The following NAV3 variants were observed in gnomAD, a reference collection of about 807,000 sequenced individuals.
The protein encoded by NAV3 is pore membrane and/or filament interacting like protein 1.
NAV3 carries 87 observed loss-of-function variants against 244.7 expected under a neutral mutation model. That is an observed-to-expected ratio of 0.36 (90% CI 0.30 to 0.42). The LOEUF is 0.42. Ranked by LOEUF, NAV3 falls within the 20% of genes least tolerant of loss-of-function variation. The pLI, the probability that NAV3 is intolerant of heterozygous loss-of-function variation, is 1.00. For missense variants in NAV3, 2,663 were observed against 2,893.3 expected, an observed-to-expected ratio of 0.92 and a Z score of 1.83; for synonymous variants, 1,126 against 1,042.2, an observed-to-expected ratio of 1.08 and a Z score of -1.55.
At chr12:77,827,817 A>G (rs1250804825), upstream of NAV3, among the ~76,000 whole-genome samples, 1 of 152,182 alleles carries the variant, frequency 6.6e-6, no homozygotes, top group Non-Finnish European at 1.5e-5. Context: ...ACTCCATTTT[A>G]TAGATGATGA....
chr12:78,031,733 G>T (rs1479493703), intron 9 of NAV3, among the ~76,000 whole-genome samples: 2 of 122,358 alleles, frequency 1.6e-5, no homozygotes, highest in African/African-American at 6.3e-5. Context: ...TGGCGACTGT[G>T]GTGGGGTGGG....
intron 1 of NAV3, among the ~76,000 whole-genome samples, chr12:77,896,551 C>G (rs181249061): frequency 7.9e-5 from 12 of 152,126 alleles, no homozygotes; most frequent in African/African-American, 2.6e-4. Context: ...TATATTTGTT[C>G]CTTCTTAATT....
intron 39 of NAV3, among the ~76,000 whole-genome samples, chr12:78,206,273 C>A (rs1323903755): frequency 6.6e-6 from 1 of 152,028 alleles, no homozygotes; most frequent in Non-Finnish European, 1.5e-5. Flanking sequence ...TGGTACCTGG[C>A]CTTTTAGATG....
chr12:77,920,773 GA>G (rs138682229), intron 1 of NAV3, among the ~76,000 whole-genome samples: 1 of 151,614 alleles, frequency 6.6e-6, no homozygotes, highest in Non-Finnish European at 1.5e-5. Context: ...GAAGTCATCC[GA>G]AAAAAAATTA....
At chr12:77,600,089 T>C (rs1870356195) in intron 2 of NAV3, among the ~76,000 whole-genome samples, 1 of 151,974 alleles carries the variant, frequency 6.6e-6, no homozygotes, top group African/African-American at 2.4e-5. Flanking sequence ...AGAATATATT[T>C]AGAAACATTG....
chr12:77,907,518 A>G (rs1177433483), intron 1 of NAV3, among the ~76,000 whole-genome samples: 1 of 152,078 alleles, frequency 6.6e-6, no homozygotes, highest in Non-Finnish European at 1.5e-5. Flanking sequence ...ATCACTAGCT[A>G]TCTCTATCAC....
At chr12:78,055,234 GTATATATACATATATA>G (rs1221769502) in intron 11 of NAV3, among the ~76,000 whole-genome samples, 5 of 892 alleles carry the variant, frequency 5.6e-3, no homozygotes, top group African/African-American at 8.7e-3. Context: ...ACACATATGT[GTATATATACATATATA>G]TGCACACATA....
At chr12:77,822,825 T>C (rs1331011830) in intron 2 of NAV3, among the ~76,000 whole-genome samples, 1 of 152,154 alleles carries the variant, frequency 6.6e-6, no homozygotes, top group Non-Finnish European at 1.5e-5. Flanking sequence ...TGAAGGATAA[T>C]TTTAAAAAAT....
chr12:77,766,734 A>ATTTTGTTT (rs1565805085), intron 2 of NAV3, among the ~76,000 whole-genome samples: 1 of 53,344 alleles, frequency 1.9e-5, no homozygotes, highest in Non-Finnish European at 4.4e-5. Context: ...CAGGCAATTA[A>ATTTTGTTT]GTTTTTTTTT....
At chr12:78,128,661 G>A (rs778019630) in intron 17 of NAV3, 45 bp from the exon 18 acceptor site, 2 of 1,576,710 alleles carry the variant, frequency 1.3e-6, no homozygotes, top group Non-Finnish European at 1.7e-6. Flanking sequence ...GCATTGCCTT[G>A]CCCTTGTAGA....
intron 1 of NAV3, among the ~76,000 whole-genome samples, chr12:77,874,443 C>T (rs1881547170): frequency 6.6e-6 from 1 of 151,958 alleles, no homozygotes; most frequent in African/African-American, 2.4e-5. Flanking sequence ...CTTCTGGGCT[C>T]AAGCAGTCCT....
chr12:77,718,456 C>T (rs1876462608), intron 2 of NAV3, among the ~76,000 whole-genome samples: 3 of 152,210 alleles, frequency 2.0e-5, no homozygotes, highest in Admixed American at 2.0e-4. Flanking sequence ...ATGTCAGTGC[C>T]ACATCATTTT....
intron 18 of NAV3, among the ~76,000 whole-genome samples, chr12:78,132,997 A>T (rs1396404256): frequency 6.6e-6 from 1 of 152,178 alleles, no homozygotes; most frequent in Non-Finnish European, 1.5e-5. Context: ...TCTTCAGAAT[A>T]TCTCCTACAT....
intron 2 of NAV3, among the ~76,000 whole-genome samples, chr12:77,614,058 T>C (rs1220226011): frequency 1.3e-5 from 2 of 149,796 alleles, no homozygotes; most frequent in African/African-American, 2.4e-5. Context: ...TGACTTTGCC[T>C]TTCTTTTCTT....
chr12:77,984,601 C>A (rs1211806339), intron 5 of NAV3, among the ~76,000 whole-genome samples: 1 of 151,668 alleles, frequency 6.6e-6, no homozygotes, highest in Non-Finnish European at 1.5e-5. Flanking sequence ...AGATGAGAAA[C>A]TAGGCACAGA....
intron 2 of NAV3, among the ~76,000 whole-genome samples, chr12:77,702,958 G>C (rs1429036488): frequency 1.3e-5 from 2 of 151,732 alleles, no homozygotes; most frequent in East Asian, 3.9e-4. Flanking sequence ...TACTGTGATG[G>C]TCTGCTGCTG....
At chr12:77,572,374 G>A (rs4761386) in intron 2 of NAV3, 36,049 of 152,382 alleles carry the variant, frequency 0.24, 4,543 homozygotes, top group East Asian at 0.39. Flanking sequence ...CTGTTTCACG[G>A]AAATCAACCC....
chr12:77,700,310 A>G (rs12303860), intron 2 of NAV3, among the ~76,000 whole-genome samples: 4,097 of 152,218 alleles, frequency 0.027, 181 homozygotes, highest in African/African-American at 0.093. Context: ...AAAATAGAGG[A>G]TATCAATGCT....
chr12:78,087,191 G>A (rs1321645112), intron 12 of NAV3, among the ~76,000 whole-genome samples: 1 of 151,934 alleles, frequency 6.6e-6, no homozygotes, highest in Non-Finnish European at 1.5e-5. Context: ...TTCTAAAAGT[G>A]GTTCCATTGA....
Sources: allele counts gnomAD v4.1 joint callset (sites outside exome capture counted in the v4.1 genomes callset), GRCh38; gene constraint gnomAD v4.1.1; transcripts MANE v1.5; gene names NCBI Gene and HGNC (gene_info 2026-07-23, HGNC 2026-07-21).